Variants in IGDCC4 observed in about 807,000 individuals in gnomAD.
IGDCC4 encodes the protein immunoglobulin superfamily DCC subclass member 4.
IGDCC4 carries 72 observed loss-of-function variants against 116.6 expected under a neutral mutation model. The observed-to-expected ratio is 0.62, with a 90% confidence interval of 0.51 to 0.75. IGDCC4 has a LOEUF of 0.75. IGDCC4 is among the 30% of genes least tolerant of loss of function. The pLI, the probability that IGDCC4 is intolerant of heterozygous loss-of-function variation, is 0.00. For missense variants in IGDCC4, 1,501 were observed against 1,662.4 expected, an observed-to-expected ratio of 0.90 and a Z score of 1.69; for synonymous variants, 709 against 719.9, an observed-to-expected ratio of 0.98 and a Z score of 0.24.
In IGDCC4 at chr15:65,394,423, A is replaced by C. The variant is rs759875609; in HGVS notation, c.1702T>G (p.Leu568Val). Residue 568 changes from leucine to valine, a missense_variant, in exon 9 of 20, where the codon TTG becomes GTG. Coordinates refer to ENST00000352385, the MANE Select transcript of IGDCC4 (RefSeq NM_020962.3). Reference protein sequence around the residue: ...QVVKYKIEYGLGKEDQIFSTE... With the variant: ...QVVKYKIEYGVGKEDQIFSTE... ...CACCCCCACTCACCTTCCTTTCCCA[A>C]ACCGTATTCTATCTTGTACTTCACC... The C allele has an allele frequency of 1.9e-6, 3 of 1,613,664 alleles. No homozygotes were observed. The African/African-American group carries it at 4.0e-5, about 22-fold the overall frequency.
chr15:65,386,151 T>A, intron 17 of IGDCC4, 92 bp from the exon 18 acceptor site: 6 of 792,808 alleles, frequency 7.6e-6, no homozygotes, highest in South Asian at 1.8e-5. Context: ...CTGGGGAGGT[T>A]CCTGCCCATC....
chr15:65,389,315 G>C lies in IGDCC4; in HGVS notation c.2505C>G (p.Gly835=), dbSNP rs752121434. 6.2e-7 allele frequency: 1 copy of C among 1,614,110 alleles called. No homozygotes were observed. Among genetic ancestry groups the C allele is most frequent in the Non-Finnish European group, 8.5e-7 (1 of 1,180,030 alleles). ...SHGVDMDGPF[G]SVVERSTLPD... Reference sequence around the variant, plus strand: ...GCAGGGTGGAGCGCTCCACCACAGAGCCGAAAGGCCCATCCATGTCCACGC... The same window carrying C: ...GCAGGGTGGAGCGCTCCACCACAGACCCGAAAGGCCCATCCATGTCCACGC... Residue 835 remains glycine, a synonymous_variant, in exon 14 of 20, where the codon GGC becomes GGG. Coordinates refer to ENST00000352385, the MANE Select transcript of IGDCC4 (RefSeq NM_020962.3).
In IGDCC4 at chr15:65,383,720, G is replaced by A; in HGVS notation, c.*289C>T. ...ATCAGGCTGTAGTGACCACTGCCTG[G>A]GCCACGGTTTCCCAGCTCAACAACC... On this transcript the variant is annotated 3_prime_UTR_variant, in exon 20 of 20. Transcript: ENST00000352385. 1 of 315,528 alleles carries A rather than the reference G, an allele frequency of 3.2e-6. No homozygotes were observed. Among genetic ancestry groups the A allele is most frequent in the Non-Finnish European group, 5.8e-6 (1 of 172,502 alleles). 19.5% of individuals were successfully genotyped at this position (315,528 alleles called of 1,614,324 possible).
intron 1 of IGDCC4, 106 bp downstream of exon 1, chr15:65,422,687 T>TG (rs1390810048): frequency 2.1e-6 from 2 of 936,430 alleles, no homozygotes; most frequent in East Asian, 4.2e-5. Context: ...CCCCCGCACT[T>TG]GCTCGGGACT....
chr15:65,400,703 G>A (rs892150016), intron 5 of IGDCC4, 103 bp downstream of exon 5: 23 of 1,421,336 alleles, frequency 1.6e-5, no homozygotes, highest in African/African-American at 2.9e-5. Context: ...CAGAAGGTTC[G>A]TGACCACTGG....
intron 1 of IGDCC4, among the ~76,000 whole-genome samples, chr15:65,412,565 C>T (rs1021273971): frequency 7.3e-6 from 1 of 136,068 alleles, no homozygotes; most frequent in African/African-American, 2.8e-5. Flanking sequence ...AGAATGGGAG[C>T]TCAGTAATGT....
chr15:65,390,461 G>A, intron 12 of IGDCC4, 123 bp from the exon 13 acceptor site: 1 of 722,484 alleles, frequency 1.4e-6, no homozygotes, highest in East Asian at 2.9e-5. Flanking sequence ...TGAGTTGAGT[G>A]GCATCATTCC....
At chr15:65,408,801 G>A (rs1381939711) in intron 3 of IGDCC4, among the ~76,000 whole-genome samples, 1 of 151,162 alleles carries the variant, frequency 6.6e-6, no homozygotes, top group African/African-American at 2.4e-5. Flanking sequence ...GGACCAGTGG[G>A]GCTAACCCAT....
chr15:65,396,193 G>C (rs1367277470), intron 6 of IGDCC4, 30 bp from the exon 7 acceptor site: 1 of 1,501,910 alleles, frequency 6.7e-7, no homozygotes, highest in Non-Finnish European at 8.8e-7. Flanking sequence ...CGCTGAGCGC[G>C]GGATCCCGCA....
At chr15:65,391,741 T>A in intron 12 of IGDCC4, 139 bp downstream of exon 12, 1 of 715,226 alleles carries the variant, frequency 1.4e-6, no homozygotes. Flanking sequence ...GGACCCCTGA[T>A]CCTAGGAGAA....
chr15:65,401,059 T>C (rs667436), intron 4 of IGDCC4, 113 bp from the exon 5 acceptor site: 305,390 of 1,354,212 alleles, frequency 0.23, 35,605 homozygotes, highest in South Asian at 0.31. Context: ...GCAGCAATGA[T>C]TCCATCTGTC....
chr15:65,397,620 A>C (rs1353980361), intron 5 of IGDCC4, among the ~76,000 whole-genome samples: 1 of 151,838 alleles, frequency 6.6e-6, no homozygotes, highest in Non-Finnish European at 1.5e-5. Flanking sequence ...ACTTGAGACC[A>C]GGAGTTCAAG....
At chr15:65,397,818 A>G (rs1185035518) in intron 5 of IGDCC4, among the ~76,000 whole-genome samples, 1 of 152,232 alleles carries the variant, frequency 6.6e-6, no homozygotes, top group Non-Finnish European at 1.5e-5. Context: ...ATTTATGTGT[A>G]CCTGTCCTAG....
rs372932631 is a variant in IGDCC4 at position 65,411,072 on chromosome 15, G to A, written c.369C>T (p.Ala123=). 2.5e-6 allele frequency: 4 copies of A among 1,613,978 alleles called. No individual in the cohort carries two copies. The African/African-American group carries it at 4.0e-5, about 16-fold the overall frequency. ...GVIEGNYSCL[A]HGPLGVLASQ... is the part of the protein sequence containing the mutation. ...TGGCCAGCACTCCGAGGGGGCCGTGGGCTAGGCACGAATAGTTGCCTTCAA... is the reference window on the plus strand; with the variant it reads ...TGGCCAGCACTCCGAGGGGGCCGTGAGCTAGGCACGAATAGTTGCCTTCAA... The change falls in exon 2 of 20, where the codon GCC becomes GCT. Residue 123 remains alanine, a synonymous_variant. Transcript: ENST00000352385.
chr15:65,400,442 T>A (rs889728202), intron 5 of IGDCC4, among the ~76,000 whole-genome samples: 1 of 152,232 alleles, frequency 6.6e-6, no homozygotes, highest in African/African-American at 2.4e-5. Context: ...ACTGGCTGTG[T>A]GGCACCTTCC....
At position 65,383,757 on chromosome 15, in the gene IGDCC4, A is replaced by G. The variant is rs1595772536; in HGVS notation, c.*252T>C. 2 of 415,140 alleles carry G rather than the reference A, an allele frequency of 4.8e-6. No individual in the cohort carries two copies. The highest frequency in any genetic ancestry group is 7.3e-5 in the East Asian group (2 of 27,244). The allele number at this position is 415,140 out of a possible 1,614,324, so 25.7% of individuals were successfully genotyped here. ...CCAGCTCAACAACCAGTACGCATACATGCACTTCACACATGTGCACATCAC... is the reference window on the plus strand; with the variant it reads ...CCAGCTCAACAACCAGTACGCATACGTGCACTTCACACATGTGCACATCAC... On this transcript the variant is annotated 3_prime_UTR_variant, in exon 20 of 20. Transcript: ENST00000352385.
intron 4 of IGDCC4, 71 bp from the exon 5 acceptor site, chr15:65,401,017 C>T: frequency 6.3e-7 from 1 of 1,590,710 alleles, no homozygotes; most frequent in Admixed American, 1.7e-5. Context: ...ACCTGAGTCT[C>T]ACAGTAACCT....
At chr15:65,409,290 G>A (rs1447128450) in intron 3 of IGDCC4, among the ~76,000 whole-genome samples, 1 of 152,176 alleles carries the variant, frequency 6.6e-6, no homozygotes, top group African/African-American at 2.4e-5. Context: ...ACAGAAGGTT[G>A]GATCCAGGGG....
chr15:65,421,138 C>T (rs751046343), intron 1 of IGDCC4, among the ~76,000 whole-genome samples: 2 of 152,180 alleles, frequency 1.3e-5, no homozygotes, highest in Admixed American at 1.3e-4. Flanking sequence ...AACCAAGAGA[C>T]GCCGCAACTC....
Sources: allele counts gnomAD v4.1 joint callset (sites outside exome capture counted in the v4.1 genomes callset), GRCh38; gene constraint gnomAD v4.1.1; transcripts MANE v1.5; gene names NCBI Gene and HGNC (gene_info 2026-07-23, HGNC 2026-07-21).